Variants in SECISBP2 observed in about 807,000 individuals in gnomAD.
The protein encoded by SECISBP2 is SECIS binding protein 2.
In SECISBP2, 96 loss-of-function variants were observed where a neutral mutation model predicts 98.2. The ratio of observed to expected loss-of-function variants is 0.98; its 90% CI spans 0.83 to 1.16. The LOEUF (loss-of-function observed/expected upper bound fraction) is 1.16. Ranked by LOEUF, SECISBP2 falls within the 50% of genes most tolerant of loss-of-function variation. SECISBP2 has a pLI of 0.00. For synonymous variants in SECISBP2, 407 were observed against 370.2 expected (o/e 1.10, Z -1.14); for missense variants, 1,046 against 1,022.9 (o/e 1.02, Z -0.31).
At chr9:89,336,622 A>G (rs1828761408) in intron 7 of SECISBP2, among the ~76,000 whole-genome samples, 3 of 151,312 alleles carry the variant, frequency 2.0e-5, no homozygotes, top group Non-Finnish European at 4.4e-5. Context: ...CTGTGCATGT[A>G]TTTGAGAGAG....
chr9:89,343,427 T>C (rs1257514316), intron 10 of SECISBP2, among the ~76,000 whole-genome samples: 1 of 152,124 alleles, frequency 6.6e-6, no homozygotes, highest in Non-Finnish European at 1.5e-5. Flanking sequence ...GGGGGTTTGT[T>C]GTACAGATTA....
At chr9:89,341,826 A>G (rs1829698767) in intron 10 of SECISBP2, among the ~76,000 whole-genome samples, 1 of 152,250 alleles carries the variant, frequency 6.6e-6, no homozygotes, top group South Asian at 2.1e-4. Context: ...TGAGCTAAAT[A>G]TAAGAGCTAA....
intron 14 of SECISBP2, among the ~76,000 whole-genome samples, chr9:89,351,949 T>C (rs1207339082): frequency 6.6e-6 from 1 of 152,186 alleles, no homozygotes; most frequent in Non-Finnish European, 1.5e-5. Flanking sequence ...GGGGCAGGCT[T>C]GGGCTCCCTT....
At chr9:89,349,132 G>A (rs1397215406) in intron 12 of SECISBP2, among the ~76,000 whole-genome samples, 3 of 152,168 alleles carry the variant, frequency 2.0e-5, no homozygotes, top group African/African-American at 7.2e-5. Flanking sequence ...ACCAGCCCAC[G>A]GGGCACTATG....
chr9:89,351,209 C>T (rs1226688812), intron 14 of SECISBP2, among the ~76,000 whole-genome samples: 1 of 152,184 alleles, frequency 6.6e-6, no homozygotes, highest in Admixed American at 6.5e-5. Flanking sequence ...CAGGCAGTAC[C>T]TACCTAGGGC....
chr9:89,340,114 G>A (rs538476455), intron 9 of SECISBP2, among the ~76,000 whole-genome samples, 161 bp downstream of exon 9: 4 of 152,252 alleles, frequency 2.6e-5, no homozygotes, highest in African/African-American at 9.6e-5. Context: ...TGTTGAAACA[G>A]AATTGCTCTT....
At chr9:89,347,992 G>A in intron 11 of SECISBP2, 87 bp from the exon 12 acceptor site, 1 of 1,360,918 alleles carries the variant, frequency 7.3e-7, no homozygotes, top group South Asian at 1.2e-5. Context: ...TTGCCAAAAA[G>A]TTGAACTTGG....
chr9:89,338,076 C>T (rs536573056), intron 7 of SECISBP2, among the ~76,000 whole-genome samples: 1 of 152,308 alleles, frequency 6.6e-6, no homozygotes, highest in Non-Finnish European at 1.5e-5. Context: ...TTCTGCTCTG[C>T]AGACAGGTGT....
the SECISBP2 span, among the ~76,000 whole-genome samples, chr9:89,366,952 A>AAT: frequency 6.6e-6 from 1 of 152,094 alleles, no homozygotes; most frequent in Admixed American, 6.6e-5. Context: ...TGGATTAATC[A>AAT]CCCAACGCCC....
chr9:89,366,871 T>G, the SECISBP2 span, among the ~76,000 whole-genome samples: 8 of 152,138 alleles, frequency 5.3e-5, no homozygotes, highest in African/African-American at 1.9e-4. Flanking sequence ...AGTCACTGAG[T>G]CACAGGAGCC....
At chr9:89,346,687 AT>A (rs1435494176) in intron 10 of SECISBP2, among the ~76,000 whole-genome samples, 194 bp from the exon 11 acceptor site, 1 of 134,224 alleles carries the variant, frequency 7.5e-6, no homozygotes, top group African/African-American at 2.5e-5. Context: ...ACTAAGTTTC[AT>A]TTGGAATTAC....
intron 10 of SECISBP2, among the ~76,000 whole-genome samples, chr9:89,342,736 A>G (rs145096134): frequency 6.6e-6 from 1 of 152,354 alleles, no homozygotes; most frequent in Non-Finnish European, 1.5e-5. Context: ...ATAAAAGCAT[A>G]GATTAGAGGA....
intron 7 of SECISBP2, among the ~76,000 whole-genome samples, chr9:89,335,047 T>C (rs1464944240): frequency 1.3e-5 from 2 of 151,994 alleles, no homozygotes; most frequent in Non-Finnish European, 2.9e-5. Context: ...ACCCCATCTC[T>C]ACTAAGAAAT....
chr9:89,346,748 T>C (rs180834956), intron 10 of SECISBP2, 134 bp from the exon 11 acceptor site: 8 of 861,998 alleles, frequency 9.3e-6, no homozygotes, highest in Middle Eastern at 3.3e-4. Flanking sequence ...TGAGAAGGGT[T>C]GTGGGGACAA....
chr9:89,345,562 T>C (rs898550378), intron 10 of SECISBP2, among the ~76,000 whole-genome samples: 2 of 152,210 alleles, frequency 1.3e-5, no homozygotes, highest in Non-Finnish European at 2.9e-5. Flanking sequence ...GGCAGTTCTG[T>C]TGAACTTCGT....
chr9:89,332,722 A>G (rs1827960796), intron 5 of SECISBP2, 186 bp from the exon 6 acceptor site: 2 of 618,964 alleles, frequency 3.2e-6, no homozygotes, highest in East Asian at 2.8e-5. Flanking sequence ...TGGTAAGAGT[A>G]TGGTTAGTTT....
At chr9:89,354,817 G>C (rs1273930630) in intron 14 of SECISBP2, 2 of 985,288 alleles carry the variant, frequency 2.0e-6, no homozygotes, top group African/African-American at 3.5e-5. Flanking sequence ...TGGACACCAG[G>C]CAGAGACCCT....
At chr9:89,330,994 A>G (rs765493178) in intron 5 of SECISBP2, among the ~76,000 whole-genome samples, 32 of 152,378 alleles carry the variant, frequency 2.1e-4, no homozygotes, top group Admixed American at 1.3e-4. Context: ...ACACTCTTGA[A>G]TTATGTGTGG....
intron 11 of SECISBP2, among the ~76,000 whole-genome samples, chr9:89,347,551 C>T (rs1271074130): frequency 6.8e-6 from 1 of 147,250 alleles, no homozygotes; most frequent in African/African-American, 2.5e-5. Flanking sequence ...CGGCTCACTG[C>T]AACCTCAACC....
Sources: allele counts gnomAD v4.1 joint callset (sites outside exome capture counted in the v4.1 genomes callset), GRCh38; gene constraint gnomAD v4.1.1; transcripts MANE v1.5; gene names NCBI Gene and HGNC (gene_info 2026-07-23, HGNC 2026-07-21).